The following ULK1 variants were observed in gnomAD, a reference collection of about 807,000 sequenced individuals.
ULK1 encodes the protein unc-51 like autophagy activating kinase 1.
Under a neutral mutation model 117.5 loss-of-function variants are expected in ULK1, and 48 were observed. The observed-to-expected ratio is 0.41, with a 90% CI of 0.32 to 0.52. ULK1 has a LOEUF of 0.52. ULK1 is among the 20% of genes least tolerant of loss of function. The pLI, the probability that ULK1 is intolerant of heterozygous loss-of-function variation, is 0.29. For missense variants in ULK1, 1,387 were observed against 1,473.4 expected (o/e 0.94, Z 0.96); for synonymous variants, 790 against 637.8 (o/e 1.24, Z -3.60).
In ULK1 at chr12:131,910,903, G is replaced by A. The variant is rs552636789; in HGVS notation, c.948+103G>A. On this transcript the variant is annotated intron_variant, in intron 12 of 27. Coordinates refer to ENST00000321867, the MANE Select transcript of ULK1 (RefSeq NM_003565.4). ...GGACGTGCTGTGACTTCTGTTGTCT[G>A]TGTGAGTCACGAAAGACATGGATGA... is the stretch of plus-strand genomic sequence containing the variant. 2.2e-4 allele frequency: 340 copies of A among 1,528,784 alleles called. No individual in the cohort carries two copies. The East Asian group carries it at 6.7e-3, about 30-fold the overall frequency. The allele number at this position is 1,528,784 out of a possible 1,614,324, so 94.7% of individuals were successfully genotyped here.
intron 3 of ULK1, among the ~76,000 whole-genome samples, chr12:131,900,594 G>C (rs1051907066): frequency 1.3e-5 from 2 of 152,208 alleles, no homozygotes; most frequent in African/African-American, 4.8e-5. Context: ...TGCCCAGCAT[G>C]CCCTGGGAGG....
rs1196181332 is a variant in ULK1, at chr12:131,921,991, A to G, written c.*630A>G. 2.2e-6 allele frequency: 1 copy of G among 455,618 alleles called. No homozygotes were observed. Among genetic ancestry groups the G allele is most frequent in the Admixed American group, 2.4e-5 (1 of 42,548 alleles). The allele number at this position is 455,618 out of a possible 1,614,324, so 28.2% of individuals were successfully genotyped here. A position where few individuals can be genotyped will look rare whatever the true frequency, so the allele number is the denominator to read the frequency against. On this transcript the variant is annotated 3_prime_UTR_variant, in exon 28 of 28. Transcript: ENST00000321867. ...GGACCACGTTGCTGCCCAGGTCTGGACCTCAGCGGGAGAACTGGCTCCGGG... is the reference window on the plus strand; with the variant it reads ...GGACCACGTTGCTGCCCAGGTCTGGGCCTCAGCGGGAGAACTGGCTCCGGG...
chr12:131,916,336 G>C, intron 19 of ULK1, 62 bp from the exon 20 acceptor site: 2 of 1,523,780 alleles, frequency 1.3e-6, no homozygotes, highest in South Asian at 1.3e-5. Flanking sequence ...CCCTTCCCCA[G>C]GCACCGGGCC....
At position 131,921,426 on chromosome 12, in the gene ULK1, T is replaced by G; in HGVS notation, c.*65T>G. On this transcript the variant is annotated 3_prime_UTR_variant, in exon 28 of 28. Transcript: ENST00000321867. ...TGCAGAGTGGGCTCTGTGTGCTGGC[T>G]GGACTCCTCGGGACAAGCCCATGGC... 6.3e-7 allele frequency: 1 copy of G among 1,595,342 alleles called. No homozygotes were observed. The highest frequency in any genetic ancestry group is 8.5e-7 in the Non-Finnish European group (1 of 1,177,492).
chr12:131,918,718 T>G, intron 23 of ULK1, 37 bp downstream of exon 23: 1 of 1,320,672 alleles, frequency 7.6e-7, no homozygotes, highest in Non-Finnish European at 9.9e-7. Context: ...CCATTCTGGC[T>G]GGAGGGTGTG....
At chr12:131,899,745 C>T (rs2136379116) in intron 3 of ULK1, among the ~76,000 whole-genome samples, 2 of 152,320 alleles carry the variant, frequency 1.3e-5, no homozygotes, top group Middle Eastern at 6.8e-3. Context: ...AGCCATTCTG[C>T]CATTTGCTGG....
At chr12:131,908,623 C>T (rs1295131781) in intron 5 of ULK1, 21 bp from the exon 6 acceptor site, 5 of 1,465,792 alleles carry the variant, frequency 3.4e-6, no homozygotes, top group Admixed American at 2.6e-5. Flanking sequence ...CCCCCAGGCC[C>T]TGAGCCGCCT....
At chr12:131,909,364 C>A in intron 8 of ULK1, 127 bp downstream of exon 8, 1 of 1,135,320 alleles carries the variant, frequency 8.8e-7, no homozygotes, top group Non-Finnish European at 1.2e-6. Context: ...GCTGGCGGGG[C>A]GGGCGTCCAG....
intron 22 of ULK1, 53 bp from the exon 23 acceptor site, chr12:131,918,444 G>C: frequency 6.5e-7 from 1 of 1,550,248 alleles, no homozygotes; most frequent in Non-Finnish European, 8.7e-7. Context: ...GGATGGATGG[G>C]GGCCACGGTG....
rs1367080824 is a variant in ULK1 at position 131,917,501 on chromosome 12, C to T, written c.2273C>T (p.Ser758Phe). 1.4e-6 allele frequency: 2 copies of T among 1,479,370 alleles called. No homozygotes were observed. Among genetic ancestry groups the T allele is most frequent in the East Asian group, 2.6e-5 (1 of 39,168 alleles). 91.6% of individuals were successfully genotyped at this position (1,479,370 alleles called of 1,614,324 possible). Residue 758 changes from serine to phenylalanine, a missense_variant, in exon 22 of 28, where the codon TCT becomes TTT. Physicochemically the swap from Ser to Phe is radical, Grantham distance 155 (BLOSUM62 -2). Transcript: ENST00000321867. ...TCCCCGGTGGTCTTCACCGTGGGCT[C>T]TCCCCCGAGCGGGAGCACGCCCCCC... ...SPSPVVFTVGSPPSGSTPPQG... is the reference protein window; with the variant it reads ...SPSPVVFTVGFPPSGSTPPQG...
intron 15 of ULK1, 36 bp from the exon 16 acceptor site, chr12:131,914,316 A>G: frequency 6.2e-7 from 1 of 1,600,884 alleles, no homozygotes; most frequent in Non-Finnish European, 8.5e-7. Context: ...TTGTGACCCC[A>G]GTGTCTGTCA....
At chr12:131,905,956 C>T (rs895702174) in intron 3 of ULK1, among the ~76,000 whole-genome samples, 2 of 152,140 alleles carry the variant, frequency 1.3e-5, no homozygotes, top group East Asian at 1.9e-4. Flanking sequence ...GGCCCAGCAG[C>T]GGAGGGGGTG....
chr12:131,913,776 A>G lies in ULK1; in HGVS notation c.1187A>G (p.Glu396Gly), dbSNP rs1215638737. 3 of 1,572,944 alleles carry G rather than the reference A, an allele frequency of 1.9e-6. No individual in the cohort carries two copies. The highest frequency in any genetic ancestry group is 2.6e-6 in the Non-Finnish European group (3 of 1,159,972). Residue 396 changes from glutamate to glycine, a missense_variant, in exon 15 of 28, where the codon GAG becomes GGG. Around this residue, in one of 4 missense-constraint regions of ULK1, gnomAD observed 260 missense variants for 271.6 expected, o/e 0.96. Transcript: ENST00000321867. ...GSSLVASAGL[E>G]SHGRTPSPSP... ...TCACTGGTGGCCTCTGCGGGCTTGG[A>G]GAGCCACGGCCGGACCCCATCTCCA... is the stretch of plus-strand genomic sequence containing the variant.
Position 131,903,804 on chromosome 12 carries a change from C to G in ULK1, c.247-3088C>G, listed in dbSNP as rs1270216594. 1.3e-5 allele frequency among the ~76,000 whole-genome samples: 2 copies of G among 152,148 alleles called. No homozygotes were observed. Among genetic ancestry groups the G allele is most frequent in the African/African-American group, 4.8e-5 (2 of 41,422 alleles). ...GGCTGGAGGTGCTTCGGTCCCACAGCCCCCTGCCCACTCCCTCCTGGGAGC... is the reference window on the plus strand; with the variant it reads ...GGCTGGAGGTGCTTCGGTCCCACAGGCCCCTGCCCACTCCCTCCTGGGAGC... On this transcript the variant is annotated intron_variant, in intron 3 of 27. Transcript: ENST00000321867. This position sits in a 1 kb window ranked among gnomAD's most constrained non-coding sequence, Gnocchi z 6.0.
chr12:131,901,002 C>T (rs537038692), intron 3 of ULK1, among the ~76,000 whole-genome samples: 28 of 151,506 alleles, frequency 1.8e-4, no homozygotes, highest in African/African-American at 6.5e-4. Flanking sequence ...TCCCAGGGCC[C>T]AGGCAGTTCT....
rs1593265235 is a variant in ULK1, at chr12:131,908,697, G to C, written c.370G>C (p.Gly124Arg). ...CAGGCTCTTCCTGCAGCAGATCGCG[G>C]GCGCCATGCGGCTTCTGCACAGCAA... is the stretch of plus-strand genomic sequence containing the variant. The part of the protein sequence containing the change: ...TIRLFLQQIA[G>R]AMRLLHSKGI... Residue 124 changes from glycine (G) to arginine (R), a missense_variant, in exon 6 of 28, where the codon GGC becomes CGC. Gly to Arg is a moderately radical substitution (Grantham distance 125). This residue lies in a region of ULK1 where 224 missense variants were observed against 325.2 expected (regional missense o/e 0.69). Transcript: ENST00000321867. The C allele has an allele frequency of 6.3e-7, 1 of 1,597,388 alleles. No individual in the cohort carries two copies. The highest frequency in any genetic ancestry group is 1.7e-5 in the Admixed American group (1 of 57,682).
intron 3 of ULK1, among the ~76,000 whole-genome samples, chr12:131,905,530 G>A (rs559509470): frequency 6.6e-6 from 1 of 152,146 alleles, no homozygotes; most frequent in Non-Finnish European, 1.5e-5. Flanking sequence ...GTGTGGACTC[G>A]CTTCCCTGTA....
intron 1 of ULK1, 62 bp from the exon 2 acceptor site, chr12:131,895,539 G>A: frequency 1.4e-6 from 2 of 1,415,820 alleles, no homozygotes; most frequent in South Asian, 2.3e-5. Context: ...TGTGTGGACT[G>A]GGGTCTGGGG....
chr12:131,909,578 C>T (rs1430254146), intron 8 of ULK1, among the ~76,000 whole-genome samples, 197 bp from the exon 9 acceptor site: 2 of 152,160 alleles, frequency 1.3e-5, no homozygotes, highest in Non-Finnish European at 2.9e-5. Context: ...GGGGTGGACA[C>T]CCCGAGAGAC....
Sources: gnomAD v4.1 joint callset for allele counts (sites outside exome capture counted in the v4.1 genomes callset) on GRCh38, gnomAD v4.1.1 for gene constraint, gnomAD v4.1.1 regional missense constraint, Gnocchi (gnomAD v3.1) non-coding constraint, MANE v1.5 for transcripts, NCBI Gene and HGNC (gene_info 2026-07-23, HGNC 2026-07-21) for gene names.